KIF25: variants seen among roughly 807,000 people sequenced by gnomAD.
KIF25 encodes kinesin-like protein KIF25.
In KIF25, 19 loss-of-function variants were observed where a neutral mutation model predicts 32.9. That is an observed-to-expected ratio of 0.58 (90% confidence interval 0.40 to 0.85). The LOEUF (loss-of-function observed/expected upper bound fraction) is 0.85, where lower values mean the gene tolerates loss of function less well. KIF25 is among the 40% of genes least tolerant of loss of function. The pLI is 0.00. For missense variants in KIF25, 485 were observed against 507.0 expected (o/e 0.96, Z 0.42); for synonymous variants, 225 against 213.7 (o/e 1.05, Z -0.46).
chr6:168,032,825 C>T (rs144291982), intron 7 of KIF25, among the ~76,000 whole-genome samples: 78 of 152,276 alleles, frequency 5.1e-4, no homozygotes, highest in Non-Finnish European at 8.8e-4. Flanking sequence ...CCAGATGACT[C>T]GGACGGGGGG....
At chr6:168,044,595 G>A (rs1583150299) in intron 12 of KIF25, among the ~76,000 whole-genome samples, 1 of 148,744 alleles carries the variant, frequency 6.7e-6, no homozygotes, top group African/African-American at 2.5e-5. Context: ...AGGGTGAGGG[G>A]TGCTAGTGAC....
intron 4 of KIF25, among the ~76,000 whole-genome samples, chr6:168,005,291 T>C (rs1167104612): frequency 6.6e-6 from 1 of 152,166 alleles, no homozygotes; most frequent in Non-Finnish European, 1.5e-5. Flanking sequence ...CTAAGGCAGG[T>C]TGACGGGGAA....
chr6:168,030,830 C>T lies in KIF25; in HGVS notation c.150C>T (p.Leu50=), dbSNP rs766112291. 1.5e-5 allele frequency: 24 copies of T among 1,612,920 alleles called. No homozygotes were observed. In the Middle Eastern group the frequency reaches 1.5e-3, roughly 100 times the overall value. The change falls in exon 7 of 13, where the codon CTC becomes CTT. Residue 50 remains leucine (L), a synonymous_variant. Transcript: ENST00000643607. ...SAVFGDVCPL[L]TSLLDGYNVC... is the part of the protein sequence containing the mutation. ...TCTTTGGAGATGTGTGCCCCCTACTCACTTCTCTCTTGGATGGGTGAGTTA... is the reference window on the plus strand; with the variant it reads ...TCTTTGGAGATGTGTGCCCCCTACTTACTTCTCTCTTGGATGGGTGAGTTA...
intron 5 of KIF25, among the ~76,000 whole-genome samples, chr6:168,018,643 G>A (rs1043607100): frequency 6.6e-6 from 1 of 152,192 alleles, no homozygotes; most frequent in Non-Finnish European, 1.5e-5. Flanking sequence ...GCACTGGGTC[G>A]TGGTGTATTC....
chr6:168,018,842 C>T (rs1276043668), intron 5 of KIF25, among the ~76,000 whole-genome samples: 1 of 152,212 alleles, frequency 6.6e-6, no homozygotes, highest in South Asian at 2.1e-4. Context: ...CTGTGTCGCT[C>T]GATAGGGTCA....
chr6:168,044,924 G>T lies in KIF25; in HGVS notation c.1083G>T (p.Arg361=). Residue 361 remains arginine, a synonymous_variant, in exon 13 of 13, where the codon CGG becomes CGT. Coordinates refer to ENST00000643607, the MANE Select transcript of KIF25 (RefSeq NM_030615.4). ...LQGLGFGIRA[R]QVQRGPARKK... ...GCCTGGGTTTCGGGATCCGAGCTCG[G>T]CAAGTCCAGCGAGGCCCTGCCCGAA... 1.2e-6 allele frequency: 2 copies of T among 1,613,088 alleles called. No individual in the cohort carries two copies. Among genetic ancestry groups the T allele is most frequent in the Non-Finnish European group, 1.7e-6 (2 of 1,179,276 alleles).
At chr6:168,038,503 A>G in intron 8 of KIF25, 50 bp from the exon 9 acceptor site, 3 of 1,595,012 alleles carry the variant, frequency 1.9e-6, no homozygotes, top group Non-Finnish European at 2.6e-6. Context: ...TTACACTGAA[A>G]ATCACTCTGT....
chr6:168,015,753 A>G (rs1425190626), intron 4 of KIF25, among the ~76,000 whole-genome samples: 1 of 152,172 alleles, frequency 6.6e-6, no homozygotes, highest in Non-Finnish European at 1.5e-5. Flanking sequence ...AGCTGTTTGG[A>G]AAAACTAAAC....
chr6:168,032,710 G>T (rs1467370608), intron 7 of KIF25, among the ~76,000 whole-genome samples: 2 of 152,218 alleles, frequency 1.3e-5, no homozygotes, highest in African/African-American at 4.8e-5. Context: ...AGCTTTATTT[G>T]TTGGACTTGT....
At chr6:168,001,414 A>G (rs1050017522) in intron 2 of KIF25, among the ~76,000 whole-genome samples, 3 of 152,216 alleles carry the variant, frequency 2.0e-5, no homozygotes, top group Admixed American at 2.0e-4. Flanking sequence ...TTTACATGGC[A>G]CTTCCAGACG....
intron 4 of KIF25, among the ~76,000 whole-genome samples, chr6:168,004,706 A>G (rs1298226494): frequency 6.6e-6 from 1 of 152,132 alleles, no homozygotes; most frequent in East Asian, 1.9e-4. Flanking sequence ...CAAACCCTCT[A>G]AGCACTTTCT....
intron 4 of KIF25, among the ~76,000 whole-genome samples, chr6:168,013,167 T>TC (rs1798670155): frequency 6.6e-6 from 1 of 151,810 alleles, no homozygotes; most frequent in Non-Finnish European, 1.5e-5. Context: ...GCCCAGCCCC[T>TC]CCTCTGGCCT....
rs1047774041 is a variant in KIF25 at position 167,999,132 on chromosome 6, C to G, written c.-558C>G. On this transcript the variant is annotated 5_prime_UTR_variant, in exon 2 of 13. Transcript: ENST00000643607. ...GAGACAGGTGCTGCAGATCTCACGGCCGCGTCTCAGGAGCTGGTGCCCGGT... is the reference window on the plus strand; with the variant it reads ...GAGACAGGTGCTGCAGATCTCACGGGCGCGTCTCAGGAGCTGGTGCCCGGT... The G allele has an allele frequency of 6.6e-6, 1 of 152,420 alleles. No homozygotes were observed. Among genetic ancestry groups the G allele is most frequent in the African/African-American group, 2.4e-5 (1 of 41,584 alleles). 9.4% of individuals were successfully genotyped at this position (152,420 alleles called of 1,614,324 possible).
intron 4 of KIF25, among the ~76,000 whole-genome samples, chr6:168,011,861 T>A (rs763346754): frequency 6.6e-6 from 1 of 152,190 alleles, no homozygotes; most frequent in Non-Finnish European, 1.5e-5. Context: ...TTCTTCATTA[T>A]TTTTTATTAT....
At chr6:168,035,599 C>G (rs1475785280) in intron 8 of KIF25, 1 of 427,156 alleles carries the variant, frequency 2.3e-6, no homozygotes, top group Non-Finnish European at 4.8e-6. Flanking sequence ...GATGGCCAGG[C>G]GGCTGCGCCT....
At chr6:168,029,736 T>G (rs1317253050) in intron 6 of KIF25, 59 bp downstream of exon 6, 2 of 1,545,498 alleles carry the variant, frequency 1.3e-6, no homozygotes, top group East Asian at 4.5e-5. Flanking sequence ...GATGTGCACA[T>G]GGGGCTCACT....
At chr6:168,003,206 T>A (rs766622927) in intron 3 of KIF25, among the ~76,000 whole-genome samples, 1 of 151,650 alleles carries the variant, frequency 6.6e-6, no homozygotes, top group Non-Finnish European at 1.5e-5. Flanking sequence ...TCCCATGCAA[T>A]GCAGACAGGG....
intron 5 of KIF25, among the ~76,000 whole-genome samples, chr6:168,019,011 C>T (rs772805673): frequency 7.2e-5 from 11 of 152,180 alleles, no homozygotes; most frequent in Non-Finnish European, 1.3e-4. Flanking sequence ...GTGCTCCCGC[C>T]GGGGCAGAAA....
chr6:168,020,877 A>G (rs1414993970), intron 5 of KIF25, among the ~76,000 whole-genome samples: 2 of 152,238 alleles, frequency 1.3e-5, no homozygotes, highest in Non-Finnish European at 2.9e-5. Context: ...ATCAGAGGAA[A>G]GCTGTTCTAT....
Sources: allele counts gnomAD v4.1 joint callset (sites outside exome capture counted in the v4.1 genomes callset), GRCh38; gene constraint gnomAD v4.1.1; transcripts MANE v1.5; gene names NCBI Gene and HGNC (gene_info 2026-07-23, HGNC 2026-07-21).